UBR3: variants seen among roughly 807,000 people sequenced by gnomAD.
The protein encoded by UBR3 is ubiquitin protein ligase E3 component n-recognin 3.
Under a neutral mutation model 243.2 loss-of-function variants are expected in UBR3, and 85 were observed. That is an observed-to-expected ratio of 0.35 (90% CI 0.29 to 0.42). The LOEUF (loss-of-function observed/expected upper bound fraction) is 0.42, where lower values mean the gene tolerates loss of function less well. UBR3 is among the 10% of genes least tolerant of loss of function. The pLI, the probability that UBR3 is intolerant of heterozygous loss-of-function variation, is 1.00. For missense variants in UBR3, 1,686 were observed against 2,300.8 expected (o/e 0.73, Z 5.47); for synonymous variants, 748 against 799.8 (o/e 0.94, Z 1.09).
chr2:170,068,771 A>G lies in UBR3; in HGVS notation c.5020-4657A>G, dbSNP rs185352664. ...AAAAAAAGGAGAGGTGGTACAAATG[A>G]CCAGTATCAGGAATGAAAGGGAAGA... On this transcript the variant is annotated intron_variant, in intron 35 of 38. Coordinates refer to ENST00000272793, the MANE Select transcript of UBR3 (RefSeq NM_172070.4). Among the ~76,000 whole-genome samples, 96 of 152,254 alleles carry G rather than the reference A, an allele frequency of 6.3e-4. 1 individual carries two copies. The East Asian group carries it at 0.014, about 22-fold the overall frequency.
At chr2:169,964,031 A>G (rs1055187288) in intron 24 of UBR3, among the ~76,000 whole-genome samples, 2 of 152,300 alleles carry the variant, frequency 1.3e-5, no homozygotes, top group Admixed American at 6.5e-5. Context: ...TAAGAAAATT[A>G]CTTTCCTACA....
chr2:170,042,402 T>C (rs2090990528), intron 32 of UBR3, among the ~76,000 whole-genome samples: 1 of 152,146 alleles, frequency 6.6e-6, no homozygotes, highest in African/African-American at 2.4e-5. Flanking sequence ...GCCTTTTGGC[T>C]ATTGTGAATA....
rs930322218 is a variant in UBR3, at chr2:170,057,709, T to TA, written c.4785+2131dup. Among the ~76,000 whole-genome samples the TA allele has an allele frequency of 4.6e-5, 7 of 152,196 alleles. 1 individual carries two copies. The highest frequency in any genetic ancestry group is 1.3e-4 in the Admixed American group (2 of 15,290). On this transcript the variant is annotated intron_variant, in intron 33 of 38. Transcript: ENST00000272793. ...GAACCTCGTAATTGTTAGTTATTTT[T>TA]AAAAAACACTTAATAAAATACTTTA... is the stretch of plus-strand genomic sequence containing the variant.
At chr2:169,900,906 C>T (rs188124817) in intron 8 of UBR3, among the ~76,000 whole-genome samples, 180 of 152,232 alleles carry the variant, frequency 1.2e-3, no homozygotes, top group African/African-American at 4.1e-3. Flanking sequence ...TAAGTTATGC[C>T]TGTTAGTCTG....
rs1559129703 is a variant in UBR3, at chr2:169,954,228, C to CTTGTCTTG, written c.3545+4164_3545+4165insTGTCTTGT. On this transcript the variant is annotated intron_variant, in intron 23 of 38. Transcript: ENST00000272793. ...GTCTTGTCTTGTCTTGTCTTGTCTT[C>CTTGTCTTG]TCTTCTTAATTCATTTCTTTTCTTT... Among the ~76,000 whole-genome samples, 566 of 110,342 alleles carry CTTGTCTTG rather than the reference C, an allele frequency of 5.1e-3. 5 individuals are homozygous for CTTGTCTTG. The highest frequency in any genetic ancestry group is 0.023 in the African/African-American group (518 of 22,468). 72.4% of individuals were successfully genotyped at this position (110,342 alleles called of 152,430 possible).
intron 24 of UBR3, among the ~76,000 whole-genome samples, chr2:169,967,615 T>C (rs996646393): frequency 1.3e-5 from 2 of 152,114 alleles, no homozygotes; most frequent in Admixed American, 1.3e-4. Flanking sequence ...CAATAGCTAC[T>C]GGGTGGATAA....
At chr2:170,058,912 A>C (rs1305972679) in intron 33 of UBR3, among the ~76,000 whole-genome samples, 3 of 152,156 alleles carry the variant, frequency 2.0e-5, no homozygotes, top group African/African-American at 7.2e-5. Flanking sequence ...GAAATCAAAA[A>C]CTTTAAGAAA....
chr2:170,057,328 G>A (rs897769987), intron 33 of UBR3, among the ~76,000 whole-genome samples: 3 of 152,008 alleles, frequency 2.0e-5, no homozygotes, highest in Admixed American at 2.0e-4. Flanking sequence ...ATGTTGCCCA[G>A]GCTGGTCTTG....
chr2:169,828,341 G>A (rs1473172133), intron 1 of UBR3, among the ~76,000 whole-genome samples: 1 of 152,186 alleles, frequency 6.6e-6, no homozygotes, highest in East Asian at 1.9e-4. Flanking sequence ...TGGGGTAGGA[G>A]GGGAGTGAGG....
chr2:169,882,309 A>G (rs1311021271), intron 5 of UBR3, among the ~76,000 whole-genome samples: 1 of 140,140 alleles, frequency 7.1e-6, no homozygotes, highest in Non-Finnish European at 1.5e-5. Flanking sequence ...TATGTATATT[A>G]TATATTTATA....
chr2:169,923,883 T>A (rs1299273388), intron 11 of UBR3, 46 bp from the exon 12 acceptor site: 1 of 1,461,010 alleles, frequency 6.8e-7, no homozygotes, highest in Non-Finnish European at 9.2e-7. Flanking sequence ...TCTTAAAATT[T>A]CTATAAAATA....
intron 1 of UBR3, among the ~76,000 whole-genome samples, chr2:169,857,064 G>GTTTTGTTTTTTTTTTTTT (rs1255937396): frequency 1.2e-4 from 7 of 56,094 alleles, no homozygotes; most frequent in Non-Finnish European, 1.3e-4. Context: ...ATTTTATTAT[G>GTTTTGTTTTTTTTTTTTT]TTTTTTTTTT....
intron 1 of UBR3, among the ~76,000 whole-genome samples, chr2:169,869,484 A>G (rs544833644): frequency 2.0e-5 from 3 of 152,162 alleles, no homozygotes; most frequent in African/African-American, 4.8e-5. Flanking sequence ...TCAGCCTCCT[A>G]AAGTGTTGGG....
At chr2:169,947,796 T>G in intron 22 of UBR3, 81 bp downstream of exon 22, 1 of 1,255,736 alleles carries the variant, frequency 8.0e-7, no homozygotes, top group Non-Finnish European at 1.0e-6. Context: ...TCCTATAATA[T>G]CCAAAAGAAA....
intron 36 of UBR3, chr2:170,077,206 A>G (rs952092269): frequency 7.2e-6 from 5 of 691,490 alleles, no homozygotes; most frequent in Non-Finnish European, 1.4e-5. Flanking sequence ...TCTTCAATAA[A>G]TATCTATGAA....
At chr2:169,867,849 G>C (rs2083309952) in intron 1 of UBR3, among the ~76,000 whole-genome samples, 1 of 152,132 alleles carries the variant, frequency 6.6e-6, no homozygotes, top group Non-Finnish European at 1.5e-5. Context: ...CTTTCGCAGA[G>C]TATTTTAAAG....
chr2:170,026,616 T>A (rs1324736109), intron 30 of UBR3, among the ~76,000 whole-genome samples: 1 of 152,124 alleles, frequency 6.6e-6, no homozygotes, highest in Non-Finnish European at 1.5e-5. Context: ...TAGATTGAAA[T>A]CACAGCACGC....
intron 24 of UBR3, among the ~76,000 whole-genome samples, chr2:169,983,093 G>A (rs4668188): frequency 0.83 from 120,376 of 145,704 alleles, 48,516 homozygotes; most frequent in East Asian, 0.9. Flanking sequence ...GAGTGAGAGC[G>A]AGAGAGAGAA....
At chr2:170,037,852 T>C (rs901098872) in intron 31 of UBR3, among the ~76,000 whole-genome samples, 3 of 152,190 alleles carry the variant, frequency 2.0e-5, no homozygotes, top group Middle Eastern at 3.2e-3. Context: ...TTTGAAACAT[T>C]TGTTAATTAT....
Sources: allele counts gnomAD v4.1 joint callset (sites outside exome capture counted in the v4.1 genomes callset), GRCh38; gene constraint gnomAD v4.1.1; transcripts MANE v1.5; gene names NCBI Gene and HGNC (gene_info 2026-07-23, HGNC 2026-07-21).